Variants in STK31 observed in about 807,000 individuals in gnomAD.
STK31 encodes serine/threonine kinase 31.
A neutral mutation model predicts 129.7 loss-of-function variants in STK31; 89 were observed. That is an observed-to-expected ratio of 0.69 (90% CI 0.58 to 0.82). The LOEUF (loss-of-function observed/expected upper bound fraction) is 0.82. STK31 is among the 40% of genes least tolerant of loss of function. The probability of loss-of-function intolerance (pLI) is 0.00; values close to 1 mark genes in which losing one functional copy is unlikely to be tolerated. For synonymous variants in STK31, 448 were observed against 395.3 expected, an observed-to-expected ratio of 1.13 and a Z score of -1.58; for missense variants, 1,187 against 1,176.4, an observed-to-expected ratio of 1.01 and a Z score of -0.13.
intron 5 of STK31, chr7:23,727,624 AC>A: frequency 1.2e-5 from 3 of 245,324 alleles, no homozygotes; most frequent in Non-Finnish European, 2.2e-5. Flanking sequence ...GTGCAGTGGT[AC>A]GATCTTGGCT....
Position 23,832,461 on chromosome 7 carries a change from GTATCT to G in STK31, c.*97_*101del. Reference sequence around the variant, plus strand: ...GAAATGTTCTGGGACTAGTTGAGTTGTATCTTTAGTATTCAGGTTGTGAAAAATAA... The same window carrying G: ...GAAATGTTCTGGGACTAGTTGAGTTGTTAGTATTCAGGTTGTGAAAAATAA... On this transcript the variant is annotated 3_prime_UTR_variant, in exon 24 of 24. Coordinates refer to ENST00000355870, the MANE Select transcript of STK31 (RefSeq NM_031414.5). 1 of 838,460 alleles carries G rather than the reference GTATCT, an allele frequency of 1.2e-6. No homozygotes were observed. The highest frequency in any genetic ancestry group is 1.9e-6 in the Non-Finnish European group (1 of 528,010). The allele number at this position is 838,460 out of a possible 1,614,324, so 51.9% of individuals were successfully genotyped here. A position where few individuals can be genotyped will look rare whatever the true frequency, so the allele number is the denominator to read the frequency against.
chr7:23,812,902 T>C (rs183433429), intron 22 of STK31, among the ~76,000 whole-genome samples: 26 of 152,318 alleles, frequency 1.7e-4, no homozygotes, highest in Admixed American at 1.4e-3. Flanking sequence ...TACATATGTA[T>C]GTATGTGTAT....
chr7:23,782,135 G>A (rs767363920), intron 16 of STK31, among the ~76,000 whole-genome samples: 6 of 151,996 alleles, frequency 3.9e-5, no homozygotes, highest in Non-Finnish European at 5.9e-5. Flanking sequence ...TTATATCTGG[G>A]AGATGTTACC....
intron 22 of STK31, chr7:23,811,755 T>G (rs1478258327): frequency 6.5e-6 from 1 of 152,824 alleles, no homozygotes; most frequent in Non-Finnish European, 1.5e-5. Flanking sequence ...ATTGTGTTTT[T>G]GAGTGTATTG....
At chr7:23,759,491 G>C (rs1434156343) in intron 10 of STK31, among the ~76,000 whole-genome samples, 2 of 152,136 alleles carry the variant, frequency 1.3e-5, no homozygotes, top group African/African-American at 4.8e-5. Context: ...AGAAAGACAA[G>C]GAACTGGAGA....
At position 23,769,150 on chromosome 7, in the gene STK31, A is replaced by G; in HGVS notation, c.1572A>G (p.Val524=). 2.5e-6 allele frequency: 4 copies of G among 1,599,818 alleles called. No individual in the cohort carries two copies. The highest frequency in any genetic ancestry group is 1.1e-5 in the South Asian group (1 of 87,234). ...SETDASLHRL[V]AWFQRTLKVF... The stretch of plus-strand genomic sequence containing the variant: ...CAGACGCTTCTCTGCACCGTCTTGT[A>G]GCATGGTTCCAAAGAACCTTAAAGG... Residue 524 remains valine, a synonymous_variant, in exon 12 of 24, where the codon GTA becomes GTG. Coordinates refer to ENST00000355870, the MANE Select transcript of STK31 (RefSeq NM_031414.5).
intron 16 of STK31, among the ~76,000 whole-genome samples, chr7:23,783,306 G>A (rs1474143857): frequency 6.6e-6 from 1 of 152,206 alleles, no homozygotes; most frequent in East Asian, 1.9e-4. Context: ...TACATTTTCA[G>A]TCTCGTCTGC....
intron 15 of STK31, among the ~76,000 whole-genome samples, chr7:23,774,414 C>T (rs1790406059): frequency 6.6e-6 from 1 of 152,166 alleles, no homozygotes; most frequent in Non-Finnish European, 1.5e-5. Context: ...TAAAAGTGTT[C>T]CTATTTCTCC....
rs1373414719 is a variant in STK31, at chr7:23,786,502, T to A, written c.2275-6T>A. The A allele has an allele frequency of 1.9e-6, 3 of 1,607,206 alleles. No individual in the cohort carries two copies. Among genetic ancestry groups the A allele is most frequent in the Non-Finnish European group, 2.5e-6 (3 of 1,177,314 alleles). ...GAATTACGAGTGCCTCTTTCTTTGG[T>A]ACAAGGGCTATTCTGTGGATGTTGA... On this transcript the variant is annotated splice_region_variant and splice_polypyrimidine_tract_variant and intron_variant, in intron 18 of 23. Transcript: ENST00000355870.
At chr7:23,720,240 A>G (rs1786610139) in intron 4 of STK31, among the ~76,000 whole-genome samples, 2 of 152,224 alleles carry the variant, frequency 1.3e-5, no homozygotes, top group Admixed American at 6.5e-5. Flanking sequence ...ATGTTTCAGA[A>G]CAGGATTTTG....
In STK31 at chr7:23,754,389, C is replaced by T; in HGVS notation, c.1208C>T (p.Thr403Ile). Reference protein sequence around the residue: ...AIQVLDEGCFTTPASLNGLEI... With the variant: ...AIQVLDEGCFITPASLNGLEI... ...CAAGTGTTGGATGAAGGGTGCTTTA[C>T]TACTCCAGCTTCTTTGAATGGATTA... The change falls in exon 10 of 24, where the codon ACT becomes ATT. Residue 403 changes from threonine to isoleucine, a missense_variant. Around this residue, in one of 5 missense-constraint regions of STK31, gnomAD observed 975 missense variants for 934.9 expected, o/e 1.04. Transcript: ENST00000355870. 1 of 1,614,074 alleles carries T rather than the reference C, an allele frequency of 6.2e-7. No individual in the cohort carries two copies. The highest frequency in any genetic ancestry group is 8.5e-7 in the Non-Finnish European group (1 of 1,179,980).
chr7:23,721,710 T>C (rs575316518), intron 4 of STK31: 113 of 792,618 alleles, frequency 1.4e-4, no homozygotes, highest in East Asian at 1.2e-3. Flanking sequence ...TTATCATTCT[T>C]ACTTGGCTGC....
intron 15 of STK31, among the ~76,000 whole-genome samples, chr7:23,775,004 G>A (rs1790448327): frequency 6.6e-6 from 1 of 152,102 alleles, no homozygotes; most frequent in Admixed American, 6.5e-5. Flanking sequence ...TGGCTAGCCC[G>A]TTTTCCCAAC....
At chr7:23,757,248 G>A (rs1202684759) in intron 10 of STK31, among the ~76,000 whole-genome samples, 4 of 152,044 alleles carry the variant, frequency 2.6e-5, no homozygotes, top group East Asian at 1.9e-4. Context: ...GGCGTTTCTC[G>A]TCAGGTGGAA....
chr7:23,776,273 A>G (rs1790536114), intron 15 of STK31, among the ~76,000 whole-genome samples: 1 of 152,134 alleles, frequency 6.6e-6, no homozygotes, highest in African/African-American at 2.4e-5. Flanking sequence ...CGTCAGGGAT[A>G]TTGGCCTGAA....
chr7:23,738,108 C>A (rs549936060), intron 8 of STK31, among the ~76,000 whole-genome samples: 17 of 152,316 alleles, frequency 1.1e-4, no homozygotes, highest in Admixed American at 3.9e-4. Context: ...TCTACCCCCC[C>A]ACTATAAATT....
chr7:23,723,009 G>A (rs1184817737), intron 4 of STK31: 1 of 152,266 alleles, frequency 6.6e-6, no homozygotes, highest in Non-Finnish European at 1.5e-5. Flanking sequence ...CTAGGAAAGG[G>A]AATTCTCTGA....
intron 4 of STK31, chr7:23,726,071 A>T (rs549669455): frequency 5.3e-5 from 8 of 152,312 alleles, no homozygotes; most frequent in African/African-American, 1.9e-4. Flanking sequence ...ATCTGCCTCT[A>T]CTATCCAATC....
At chr7:23,825,339 G>A (rs1794068795) in intron 23 of STK31, among the ~76,000 whole-genome samples, 1 of 152,186 alleles carries the variant, frequency 6.6e-6, no homozygotes, top group African/African-American at 2.4e-5. Flanking sequence ...GTGTGTATGT[G>A]TCGAGGAATT....
Sources: gnomAD v4.1 joint callset for allele counts (sites outside exome capture counted in the v4.1 genomes callset) on GRCh38, gnomAD v4.1.1 for gene constraint, gnomAD v4.1.1 regional missense constraint, MANE v1.5 for transcripts, NCBI Gene and HGNC (gene_info 2026-07-23, HGNC 2026-07-21) for gene names.